ANKRD45: variants seen among roughly 807,000 people sequenced by gnomAD.
ANKRD45 encodes ankyrin repeat domain-containing protein 45.
ANKRD45 carries 21 observed loss-of-function variants against 28.1 expected under a neutral mutation model. That is an observed-to-expected ratio of 0.75 (90% CI 0.53 to 1.08). ANKRD45 has a LOEUF of 1.08. ANKRD45 is among the 50% of genes least tolerant of loss of function. ANKRD45 has a pLI of 0.00. For missense variants in ANKRD45, 261 were observed against 308.7 expected (o/e 0.85, Z 1.16); for synonymous variants, 86 against 103.9 (o/e 0.83, Z 1.05).
the ANKRD45 span, among the ~76,000 whole-genome samples, chr1:173,691,184 T>A: frequency 6.6e-6 from 1 of 152,130 alleles, no homozygotes; most frequent in Non-Finnish European, 1.5e-5. Flanking sequence ...ATGCCCAGAG[T>A]CATTGCTGCA....
intron 3 of ANKRD45, chr1:173,635,666 G>T: frequency 6.5e-7 from 1 of 1,535,428 alleles, no homozygotes; most frequent in Non-Finnish European, 8.7e-7. Flanking sequence ...GAAAGTTAAG[G>T]GTTCTCCATC....
chr1:173,654,831 T>C (rs535247488), intron 2 of ANKRD45, among the ~76,000 whole-genome samples: 6 of 152,332 alleles, frequency 3.9e-5, no homozygotes, highest in Admixed American at 1.3e-4. Context: ...GTCCTCTCAC[T>C]TTATTTCATT....
chr1:173,713,768 C>G, the ANKRD45 span, among the ~76,000 whole-genome samples: 1 of 152,046 alleles, frequency 6.6e-6, no homozygotes, highest in Non-Finnish European at 1.5e-5. Context: ...CACCCATTGC[C>G]TAGCCACCCC....
chr1:173,687,454 A>ACCCC, the ANKRD45 span, among the ~76,000 whole-genome samples: 25 of 74,482 alleles, frequency 3.4e-4, no homozygotes, highest in African/African-American at 8.7e-4. Flanking sequence ...TATAAATTCT[A>ACCCC]CCCCCCCCCC....
At chr1:173,634,922 T>C (rs1468320777) in intron 3 of ANKRD45, among the ~76,000 whole-genome samples, 1 of 151,874 alleles carries the variant, frequency 6.6e-6, no homozygotes, top group Non-Finnish European at 1.5e-5. Context: ...CAATATTTGT[T>C]GAACTATTTG....
chr1:173,703,259 A>G, the ANKRD45 span, among the ~76,000 whole-genome samples: 1 of 150,470 alleles, frequency 6.6e-6, no homozygotes, highest in Non-Finnish European at 1.5e-5. Flanking sequence ...GCTGGAGTGC[A>G]GTGACACGAT....
At chr1:173,651,234 T>C (rs553818047) in intron 2 of ANKRD45, among the ~76,000 whole-genome samples, 1 of 152,354 alleles carries the variant, frequency 6.6e-6, no homozygotes, top group African/African-American at 2.4e-5. Flanking sequence ...AGGTCTAACA[T>C]TTAAATCTTT....
intron 1 of ANKRD45, among the ~76,000 whole-genome samples, chr1:173,668,489 C>T (rs1019255130): frequency 3.0e-4 from 46 of 152,164 alleles, no homozygotes; most frequent in Non-Finnish European, 2.9e-4. Context: ...GGAACATCAC[C>T]CCCCAGAGCC....
At position 173,608,529 on chromosome 1, in the gene ANKRD45, G is replaced by A. The variant is rs1341276163; in HGVS notation, c.*1616C>T. Among the ~76,000 whole-genome samples, 1 of 151,916 alleles carries A rather than the reference G, an allele frequency of 6.6e-6. No individual in the cohort carries two copies. Among genetic ancestry groups the A allele is most frequent in the African/African-American group, 2.4e-5 (1 of 41,366 alleles). ...AGACAGGGTTTCACCATGTTGGCCA[G>A]GCTTGTCTCAAACCGCTGACCTCAG... On this transcript the variant is annotated 3_prime_UTR_variant, in exon 6 of 6. Coordinates refer to ENST00000333279, the MANE Select transcript of ANKRD45 (RefSeq NM_198493.3).
intron 1 of ANKRD45, among the ~76,000 whole-genome samples, chr1:173,666,996 C>G (rs1374456251): frequency 6.6e-6 from 1 of 152,170 alleles, no homozygotes; most frequent in African/African-American, 2.4e-5. Context: ...ATCCTCCCAC[C>G]TCAGCCTCCC....
At chr1:173,629,670 C>A (rs555067706) in intron 3 of ANKRD45, among the ~76,000 whole-genome samples, 1 of 151,830 alleles carries the variant, frequency 6.6e-6, no homozygotes, top group South Asian at 2.1e-4. Flanking sequence ...TAGAAAATAG[C>A]CTCAAAAGGG....
At chr1:173,699,245 A>G in the ANKRD45 span, among the ~76,000 whole-genome samples, 1 of 152,220 alleles carries the variant, frequency 6.6e-6, no homozygotes, top group Non-Finnish European at 1.5e-5. Flanking sequence ...CCAGAGGTAC[A>G]AAGAGGAACT....
At position 173,665,195 on chromosome 1, in the gene ANKRD45, G is replaced by A. The variant is rs368769898; in HGVS notation, c.-16+4622C>T. On this transcript the variant is annotated intron_variant, in intron 1 of 5. Transcript: ENST00000333279. ...CAACAACAACAACAACAAAAAACTA[G>A]GTCTTGCTACATTGCACAGGCTGGT... Among the ~76,000 whole-genome samples the A allele has an allele frequency of 3.3e-5, 5 of 152,038 alleles. No homozygotes were observed. In the East Asian group the frequency reaches 7.7e-4, roughly 24 times the overall value.
chr1:173,610,288 G>C, intron 5 of ANKRD45, 73 bp from the exon 6 acceptor site: 1 of 1,390,864 alleles, frequency 7.2e-7, no homozygotes, highest in East Asian at 2.3e-5. Context: ...CAGTTTTTAA[G>C]ACAATAAGAA....
chr1:173,701,623 A>G, the ANKRD45 span, among the ~76,000 whole-genome samples: 2 of 152,192 alleles, frequency 1.3e-5, no homozygotes, highest in Non-Finnish European at 1.5e-5. Flanking sequence ...GAACAATAAG[A>G]ACACCTGGAC....
intron 2 of ANKRD45, among the ~76,000 whole-genome samples, chr1:173,657,006 G>A (rs1224946464): frequency 6.8e-6 from 1 of 147,500 alleles, no homozygotes; most frequent in Non-Finnish European, 1.5e-5. Context: ...TCAAACTCCT[G>A]GGCTCAAGCT....
intron 2 of ANKRD45, among the ~76,000 whole-genome samples, chr1:173,649,551 G>A (rs1175522114): frequency 6.6e-6 from 1 of 152,064 alleles, no homozygotes; most frequent in Non-Finnish European, 1.5e-5. Flanking sequence ...TGAATTCTAA[G>A]CCTGTTGATT....
In ANKRD45 at chr1:173,613,111, C is replaced by T. The variant is rs540884171; in HGVS notation, c.731-2896G>A. ...TGCCCAGTCTGGGAAGTGAAGAGCGCCTCTTCCCGGCCGCCATCCTGTCTA... is the reference window on the plus strand; with the variant it reads ...TGCCCAGTCTGGGAAGTGAAGAGCGTCTCTTCCCGGCCGCCATCCTGTCTA... On this transcript the variant is annotated intron_variant, in intron 5 of 5. Transcript: ENST00000333279. 5.9e-5 allele frequency among the ~76,000 whole-genome samples: 9 copies of T among 151,770 alleles called. No individual in the cohort carries two copies. In the East Asian group the frequency reaches 1.8e-3, roughly 30 times the overall value.
the ANKRD45 span, among the ~76,000 whole-genome samples, chr1:173,685,200 G>T: frequency 6.6e-6 from 1 of 152,190 alleles, no homozygotes; most frequent in Non-Finnish European, 1.5e-5. Flanking sequence ...GGATGAACAA[G>T]GGCTGACTGA....
Sources: gnomAD v4.1 joint callset for allele counts (sites outside exome capture counted in the v4.1 genomes callset) on GRCh38, gnomAD v4.1.1 for gene constraint, MANE v1.5 for transcripts, NCBI Gene and HGNC (gene_info 2026-07-23, HGNC 2026-07-21) for gene names.